AGBL4: variants seen among roughly 807,000 people sequenced by gnomAD.
AGBL4 encodes AGBL carboxypeptidase 4.
AGBL4 carries 58 observed loss-of-function variants against 66.4 expected under a neutral mutation model. The observed-to-expected ratio is 0.87, with a 90% confidence interval of 0.71 to 1.09. AGBL4 has a LOEUF of 1.09. Among genes scored for constraint, AGBL4 ranks in the 50% least tolerant of loss-of-function variants. The pLI is 0.00. For synonymous variants in AGBL4, 234 were observed against 222.9 expected (o/e 1.05, Z -0.44); for missense variants, 579 against 631.0 (o/e 0.92, Z 0.88).
chr1:49,740,288 CAA>C (rs1281993411), intron 2 of AGBL4, among the ~76,000 whole-genome samples: 1 of 151,994 alleles, frequency 6.6e-6, no homozygotes, highest in Admixed American at 6.6e-5. Context: ...CAACAAAGAT[CAA>C]AAGAGACAAA....
intron 3 of AGBL4, among the ~76,000 whole-genome samples, chr1:49,625,553 G>T (rs991129997): frequency 1.3e-5 from 2 of 152,138 alleles, no homozygotes; most frequent in Non-Finnish European, 2.9e-5. Flanking sequence ...ACTGCAGGAG[G>T]CCTGGGGAGG....
chr1:49,666,995 C>G (rs2124511433), intron 3 of AGBL4, among the ~76,000 whole-genome samples: 1 of 152,204 alleles, frequency 6.6e-6, no homozygotes, highest in Non-Finnish European at 1.5e-5. Context: ...GATTATTGAC[C>G]TCTGCCACTA....
At chr1:49,970,497 C>T (rs1339330005) in intron 1 of AGBL4, among the ~76,000 whole-genome samples, 1 of 151,898 alleles carries the variant, frequency 6.6e-6, no homozygotes, top group Non-Finnish European at 1.5e-5. Flanking sequence ...GTATAAGAAT[C>T]GGTGCCTGGC....
intron 1 of AGBL4, among the ~76,000 whole-genome samples, chr1:49,917,118 C>T (rs1300669595): frequency 6.6e-6 from 1 of 152,238 alleles, no homozygotes; most frequent in Non-Finnish European, 1.5e-5. Context: ...CCGGTACCAG[C>T]CACTGCAAAA....
At chr1:49,832,145 C>A (rs565016914) in intron 2 of AGBL4, among the ~76,000 whole-genome samples, 21 of 152,038 alleles carry the variant, frequency 1.4e-4, no homozygotes, top group African/African-American at 4.6e-4. Context: ...ATCCCTCCCC[C>A]CTTCCCCCAC....
At chr1:49,151,823 G>A (rs992739971) in intron 4 of AGBL4, among the ~76,000 whole-genome samples, 6 of 152,054 alleles carry the variant, frequency 3.9e-5, no homozygotes, top group African/African-American at 1.4e-4. Flanking sequence ...CTTCTCAAAC[G>A]TATTTAAATA....
intron 5 of AGBL4, among the ~76,000 whole-genome samples, chr1:48,908,189 C>T (rs1652795128): frequency 6.6e-6 from 1 of 152,180 alleles, no homozygotes; most frequent in Non-Finnish European, 1.5e-5. Flanking sequence ...GTGCTTCTCT[C>T]CTCCAGGCCC....
intron 3 of AGBL4, among the ~76,000 whole-genome samples, chr1:49,323,426 C>T (rs554297229): frequency 1.9e-4 from 28 of 150,962 alleles, no homozygotes; most frequent in African/African-American, 6.1e-4. Context: ...GGACTACAGG[C>T]GCACGCCGCC....
At chr1:49,369,157 G>A (rs1309810850) in intron 3 of AGBL4, among the ~76,000 whole-genome samples, 1 of 152,118 alleles carries the variant, frequency 6.6e-6, no homozygotes, top group African/African-American at 2.4e-5. Context: ...AAAATTAGCA[G>A]CACACAAAGG....
chr1:49,747,457 T>C (rs1008353540), intron 2 of AGBL4, among the ~76,000 whole-genome samples: 7 of 152,128 alleles, frequency 4.6e-5, no homozygotes, highest in African/African-American at 1.4e-4. Context: ...AAAGAGATAA[T>C]AGTGCCTAAT....
intron 3 of AGBL4, among the ~76,000 whole-genome samples, chr1:49,285,644 A>G (rs1030523639): frequency 9.9e-5 from 15 of 152,232 alleles, no homozygotes; most frequent in African/African-American, 3.6e-4. Flanking sequence ...AAAGCAAAAA[A>G]AGAGAGAAGA....
chr1:49,189,457 G>A lies in AGBL4; in HGVS notation c.377+56313C>T, dbSNP rs572848439. On this transcript the variant is annotated intron_variant, in intron 4 of 13. Transcript: ENST00000371839. ...ATCAAACTATAATTTGATAGAGTTT[G>A]TTGAGTAGTGGTTTACATAGCACAT... Among the ~76,000 whole-genome samples, 24 of 152,268 alleles carry A rather than the reference G, an allele frequency of 1.6e-4. 1 individual carries two copies. In the South Asian group the frequency reaches 2.3e-3, roughly 14 times the overall value.
chr1:49,516,195 C>CCA (rs1194992510), intron 3 of AGBL4, among the ~76,000 whole-genome samples: 1 of 151,884 alleles, frequency 6.6e-6, no homozygotes, highest in Non-Finnish European at 1.5e-5. Context: ...GTGTCCTTAT[C>CCA]TCCAAGGATC....
chr1:49,959,191 A>G (rs1386462343), intron 1 of AGBL4, among the ~76,000 whole-genome samples: 1 of 151,964 alleles, frequency 6.6e-6, no homozygotes, highest in Admixed American at 6.6e-5. Context: ...GAGGAGTTGC[A>G]GTATAGTCTA....
chr1:49,128,902 G>GA (rs1230315929), intron 4 of AGBL4, among the ~76,000 whole-genome samples: 65 of 151,188 alleles, frequency 4.3e-4, no homozygotes, highest in Non-Finnish European at 4.3e-4. Context: ...TCTGATTTTT[G>GA]AAAAAAATTC....
chr1:49,256,314 T>TA (rs1239642496), intron 3 of AGBL4, among the ~76,000 whole-genome samples: 14 of 152,032 alleles, frequency 9.2e-5, no homozygotes, highest in African/African-American at 3.4e-4. Flanking sequence ...ATATATCAAT[T>TA]AAAAAATTAT....
intron 2 of AGBL4, among the ~76,000 whole-genome samples, chr1:49,743,173 C>T (rs920989009): frequency 2.2e-4 from 33 of 152,204 alleles, no homozygotes; most frequent in Admixed American, 7.2e-4. Flanking sequence ...GGCTAACATC[C>T]GGAATCTACA....
chr1:49,211,637 TG>T (rs545128951), intron 4 of AGBL4, among the ~76,000 whole-genome samples: 29 of 152,226 alleles, frequency 1.9e-4, no homozygotes, highest in Admixed American at 8.5e-4. Flanking sequence ...CACATTTTTT[TG>T]AACATATGTC....
chr1:49,474,218 C>A (rs1254516490), intron 3 of AGBL4, among the ~76,000 whole-genome samples: 2 of 151,972 alleles, frequency 1.3e-5, no homozygotes, highest in Non-Finnish European at 2.9e-5. Flanking sequence ...TTGCTTTGGG[C>A]AGTATGAACA....
Sources: gnomAD v4.1 joint callset for allele counts (sites outside exome capture counted in the v4.1 genomes callset) on GRCh38, gnomAD v4.1.1 for gene constraint, MANE v1.5 for transcripts, NCBI Gene and HGNC (gene_info 2026-07-23, HGNC 2026-07-21) for gene names.